Variants in FAM53A observed in about 807,000 individuals in gnomAD.
FAM53A encodes family with sequence similarity 53 member A, also known as protein FAM53A.
FAM53A carries 28 observed loss-of-function variants against 26.6 expected under a neutral mutation model. That is an observed-to-expected ratio of 1.05 (90% confidence interval 0.78 to 1.45). The LOEUF (loss-of-function observed/expected upper bound fraction) is 1.45, where lower values mean the gene tolerates loss of function less well. Among genes scored for constraint, FAM53A ranks in the 40% most tolerant of loss-of-function variants. The pLI is 0.00. For synonymous variants in FAM53A, 290 were observed against 253.1 expected, an observed-to-expected ratio of 1.15 and a Z score of -1.38; for missense variants, 650 against 575.8, an observed-to-expected ratio of 1.13 and a Z score of -1.32.
At chr4:1,586,794 AAAAAG>A in the FAM53A span, among the ~76,000 whole-genome samples, 15 of 151,272 alleles carry the variant, frequency 9.9e-5, no homozygotes, top group Non-Finnish European at 2.1e-4. Context: ...AAAAAAAAAA[AAAAAG>A]AAGAAGAAGT....
At chr4:1,616,222 C>A (rs144746470), downstream of FAM53A, among the ~76,000 whole-genome samples, 95 of 152,290 alleles carry the variant, frequency 6.2e-4, 1 homozygote, top group South Asian at 4.6e-3. Flanking sequence ...TGAAACAAAC[C>A]CAAAATAAAG....
In FAM53A at chr4:1,640,362, G is replaced by C. The variant is rs1370254014; in HGVS notation, c.*931C>G. 2 of 251,178 alleles carry C rather than the reference G, an allele frequency of 8.0e-6. No homozygotes were observed. Among genetic ancestry groups the C allele is most frequent in the Non-Finnish European group, 1.5e-5 (2 of 131,762 alleles). The allele number at this position is 251,178 out of a possible 1,614,324, so 15.6% of individuals were successfully genotyped here. ...CGGGAGGGGGGGACACACGGGGCCAGTGGGACTCTGACCACCAACGCCCGG... is the reference window on the plus strand; with the variant it reads ...CGGGAGGGGGGGACACACGGGGCCACTGGGACTCTGACCACCAACGCCCGG... On this transcript the variant is annotated 3_prime_UTR_variant, in exon 5 of 5. Transcript: ENST00000308132.
At chr4:1,580,671 C>T in the FAM53A span, among the ~76,000 whole-genome samples, 2 of 149,296 alleles carry the variant, frequency 1.3e-5, no homozygotes, top group African/African-American at 2.5e-5. Flanking sequence ...CAGGCCACGC[C>T]TCCCACTGAG....
At chr4:1,650,123 T>TCATGGTGTTTGACTGTGAGGTGGCACAGG (rs1712631913) in intron 4 of FAM53A, among the ~76,000 whole-genome samples, 1 of 53,610 alleles carries the variant, frequency 1.9e-5, no homozygotes, top group Non-Finnish European at 3.5e-5. Context: ...GGTGGCACAG[T>TCATGGTGTTTGACTGTGAGGTGGCACAGG]CATGGTGTTT....
intron 1 of FAM53A, among the ~76,000 whole-genome samples, chr4:1,623,704 C>T (rs1715155939): frequency 6.6e-6 from 1 of 152,398 alleles, no homozygotes; most frequent in South Asian, 2.1e-4. Flanking sequence ...CCAGCCATAA[C>T]TCAGCCTGCG....
chr4:1,614,436 ATG>A (rs1488410491), downstream of FAM53A, among the ~76,000 whole-genome samples: 10 of 118,262 alleles, frequency 8.5e-5, no homozygotes, highest in African/African-American at 3.4e-4. Context: ...CGTGAGGGGG[ATG>A]CAGAGACATG....
downstream of FAM53A, among the ~76,000 whole-genome samples, chr4:1,634,907 A>AT (rs896794119): frequency 6.7e-5 from 10 of 149,958 alleles, no homozygotes; most frequent in African/African-American, 1.9e-4. Context: ...TCTCAAAAAA[A>AT]AAAAAATAAA....
At chr4:1,589,432 T>C in the FAM53A span, among the ~76,000 whole-genome samples, 1 of 152,190 alleles carries the variant, frequency 6.6e-6, no homozygotes, top group African/African-American at 2.4e-5. Context: ...TTTTCTGATT[T>C]TGGAATAAGA....
Position 1,668,738 on chromosome 4 carries a change from C to G in FAM53A, c.4G>C (p.Val2Leu). ...TGCAGCTTCTCAGTGATGAGTGTGA[C>G]CATGGTCGGGGCCCCGTGTCCTCCG... The part of the protein sequence containing the change: M[V>L]TLITEKLQSQ... Residue 2 changes from valine (V) to leucine (L), a missense_variant, in exon 2 of 5, where the codon GTC (valine) becomes CTC (leucine). Val to Leu is a conservative substitution (Grantham distance 32). Transcript: ENST00000308132. 5 of 1,614,192 alleles carry G rather than the reference C, an allele frequency of 3.1e-6. No individual in the cohort carries two copies. Among genetic ancestry groups the G allele is most frequent in the Non-Finnish European group, 2.5e-6 (3 of 1,180,020 alleles).
At chr4:1,644,520 CG>C in intron 4 of FAM53A, 1 of 808,296 alleles carries the variant, frequency 1.2e-6, no homozygotes, top group Non-Finnish European at 1.9e-6. Flanking sequence ...CCGAGGCCCA[CG>C]GGGCCGATGC....
At chr4:1,580,640 C>A in the FAM53A span, among the ~76,000 whole-genome samples, 1 of 144,934 alleles carries the variant, frequency 6.9e-6, no homozygotes, top group Non-Finnish European at 1.5e-5. Flanking sequence ...CTGCCCCCAA[C>A]TCAGGGCCCC....
chr4:1,685,427 C>T (rs527554265), upstream of FAM53A, among the ~76,000 whole-genome samples: 7 of 151,942 alleles, frequency 4.6e-5, no homozygotes, highest in Admixed American at 3.9e-4. Context: ...CCACGTCCCA[C>T]AGTGGACACT....
intron 2 of FAM53A, among the ~76,000 whole-genome samples, chr4:1,658,237 G>T: frequency 6.6e-6 from 1 of 151,508 alleles, no homozygotes; most frequent in Non-Finnish European, 1.5e-5. Flanking sequence ...AGCCAGGATG[G>T]TCTCGATCTC....
chr4:1,637,191 G>A (rs187967337), downstream of FAM53A, among the ~76,000 whole-genome samples: 3 of 152,096 alleles, frequency 2.0e-5, no homozygotes, highest in Non-Finnish European at 4.4e-5. Flanking sequence ...ATGCTCGGGT[G>A]GGGGGTGGGG....
chr4:1,599,652 A>G, the FAM53A span, among the ~76,000 whole-genome samples: 564 of 144,724 alleles, frequency 3.9e-3, 5 homozygotes, highest in South Asian at 0.031. This position sits in a 1 kb window ranked among gnomAD's most constrained non-coding sequence, Gnocchi z 6.1. Flanking sequence ...GCCTTGGCCC[A>G]GCCCAGCCCA....
chr4:1,595,226 C>T, the FAM53A span, among the ~76,000 whole-genome samples: 24 of 152,364 alleles, frequency 1.6e-4, no homozygotes, highest in East Asian at 9.6e-4. Flanking sequence ...AGGCTCTGGA[C>T]GGCCACAGGG....
chr4:1,616,006 C>T (rs1714799173), downstream of FAM53A, among the ~76,000 whole-genome samples: 1 of 152,288 alleles, frequency 6.6e-6, no homozygotes, highest in African/African-American at 2.4e-5. Flanking sequence ...CCTGTCATCA[C>T]CCCTGGGTGC....
At chr4:1,642,925 G>A (rs1711861034) in intron 4 of FAM53A, among the ~76,000 whole-genome samples, 1 of 152,244 alleles carries the variant, frequency 6.6e-6, no homozygotes, top group African/African-American at 2.4e-5. Flanking sequence ...GGGGCGCCAT[G>A]ATGCCGATGA....
the FAM53A span, among the ~76,000 whole-genome samples, chr4:1,589,522 T>C: frequency 6.6e-6 from 1 of 152,220 alleles, no homozygotes; most frequent in Non-Finnish European, 1.5e-5. Flanking sequence ...AGAAATAATT[T>C]CTCTTTCTTG....
Sources: gnomAD v4.1 joint callset for allele counts (sites outside exome capture counted in the v4.1 genomes callset) on GRCh38, gnomAD v4.1.1 for gene constraint, Gnocchi (gnomAD v3.1) non-coding constraint, MANE v1.5 for transcripts, NCBI Gene and HGNC (gene_info 2026-07-23, HGNC 2026-07-21) for gene names.